The following SYP variants were observed in gnomAD, a reference collection of about 807,000 sequenced individuals.
SYP encodes the protein synaptophysin.
A neutral mutation model predicts 24.3 loss-of-function variants in SYP; 2 were observed. The ratio of observed to expected loss-of-function variants is 0.08; its 90% CI spans 0.03 to 0.26. SYP has a LOEUF of 0.26. Among genes scored for constraint, SYP ranks in the 10% least tolerant of loss-of-function variants. The probability of loss-of-function intolerance (pLI) is 1.00; values close to 1 mark genes in which losing one functional copy is unlikely to be tolerated. For synonymous variants in SYP, 143 were observed against 123.2 expected (o/e 1.16, Z -1.07); for missense variants, 216 against 266.3 (o/e 0.81, Z 1.32).
chrX:49,194,873 T>G (rs2065523350), intron 3 of SYP, among the ~76,000 whole-genome samples: 1 of 110,799 alleles, frequency 9.0e-6, no homozygotes, highest in Admixed American at 9.5e-5. Flanking sequence ...TACGCCCAGC[T>G]AATTTTTGTA....
At position 49,188,344 on chromosome X, in the gene SYP, CA is replaced by C. The variant is rs1165247411; in HGVS notation, c.*942del. The C allele has an allele frequency of 9.0e-6, 1 of 111,293 alleles. No individual in the cohort carries two copies. 9.2% of individuals were successfully genotyped at this position (111,293 alleles called of 1,213,427 possible). A position where few individuals can be genotyped will look rare whatever the true frequency, so the allele number is the denominator to read the frequency against. ...AAGTCCCCTCTCCACTGCCCAAACC[CA>C]GCCATTGTAAAACATTTTCTTCACT... On this transcript the variant is annotated 3_prime_UTR_variant, in exon 7 of 7. Transcript: ENST00000263233.
At chrX:49,198,718 C>A in intron 2 of SYP, 11 of 392,232 alleles carry the variant, frequency 2.8e-5, no homozygotes, top group Non-Finnish European at 4.1e-5. Context: ...TCCCTCACTT[C>A]AAGAGAGGAG....
Position 49,191,698 on chromosome X carries a change from G to A in SYP, c.681C>T (p.Gly227=), listed in dbSNP as rs782351800. ...GCGCGCGCAGGAACGGGGCGGCCCA[G>A]CCTGTCTCCTTAAACACGAACCACA... The part of the protein sequence containing the change: ...GNLWFVFKET[G]WAAPFLRAPP... The change falls in exon 6 of 7, where the codon GGC becomes GGT. Residue 227 remains glycine, a synonymous_variant. Coordinates refer to ENST00000263233, the MANE Select transcript of SYP (RefSeq NM_003179.3). The A allele has an allele frequency of 8.3e-7, 1 of 1,208,459 alleles. No individual in the cohort carries two copies. Among genetic ancestry groups the A allele is most frequent in the Middle Eastern group, 2.3e-4 (1 of 4,293 alleles).
intron 3 of SYP, 162 bp downstream of exon 3, chrX:49,197,553 G>A: frequency 4.0e-6 from 3 of 749,726 alleles, no homozygotes; most frequent in Non-Finnish European, 5.8e-6. Context: ...TAGTCCTAGA[G>A]TCCAGAGCAG....
intron 6 of SYP, chrX:49,191,124 A>G (rs1557102627): frequency 2.8e-6 from 1 of 351,347 alleles, no homozygotes; most frequent in Non-Finnish European, 5.0e-6. Flanking sequence ...GTCCCCCGAT[A>G]TTCCCTCCCT....
intron 2 of SYP, chrX:49,198,721 G>C: frequency 1.4e-5 from 5 of 365,431 alleles, no homozygotes; most frequent in Non-Finnish European, 1.9e-5. Context: ...CTCACTTCAA[G>C]AGAGGAGGTA....
intron 4 of SYP, 43 bp downstream of exon 4, chrX:49,194,123 G>A (rs1318522043): frequency 1.2e-5 from 14 of 1,195,259 alleles, no homozygotes; most frequent in African/African-American, 8.8e-5. Flanking sequence ...CTGGGGTTCC[G>A]TGTCCCCATG....
Position 49,194,376 on chromosome X carries a change from G to A in SYP, c.228-15C>T. ...CTTGGTGCAGCCTGCAAACAGAGGT[G>A]GGCAGGTGTGGCCCAGCCCCTCAGA... On this transcript the variant is annotated splice_polypyrimidine_tract_variant and intron_variant, in intron 3 of 6. Coordinates refer to ENST00000263233, the MANE Select transcript of SYP (RefSeq NM_003179.3). 3 of 1,207,913 alleles carry A rather than the reference G, an allele frequency of 2.5e-6. No homozygotes were observed. Among genetic ancestry groups the A allele is most frequent in the Non-Finnish European group, 3.4e-6 (3 of 893,456 alleles).
At chrX:49,199,890 C>T (rs1557103765) in intron 1 of SYP, among the ~76,000 whole-genome samples, 1 of 111,100 alleles carries the variant, frequency 9.0e-6, no homozygotes, top group Non-Finnish European at 1.9e-5. Flanking sequence ...TTCCTCCCCT[C>T]GCGGTCGCCA....
chrX:49,191,634 C>T lies in SYP; in HGVS notation c.745G>A (p.Ala249Thr), dbSNP rs1326473243. ...APEKQPAPGD[A>T]YGDAGYGQGP... ...TGCCCGTAGCCTGCATCGCCGTAGGCGTCCCCGGGTGCCGGTTGTTTCTCG... is the reference window on the plus strand; with the variant it reads ...TGCCCGTAGCCTGCATCGCCGTAGGTGTCCCCGGGTGCCGGTTGTTTCTCG... The change falls in exon 6 of 7, where the codon GCC (alanine) becomes ACC (threonine). Residue 249 changes from alanine to threonine, a missense_variant. Physicochemically the swap from Ala to Thr is moderately conservative, Grantham distance 58 (BLOSUM62 0). Around this residue, in one of 2 missense-constraint regions of SYP, gnomAD observed 114 missense variants for 107.9 expected, o/e 1.06. Transcript: ENST00000263233. 4.1e-6 allele frequency: 5 copies of T among 1,206,250 alleles called. No homozygotes were observed. The Admixed American group carries it at 6.6e-5, about 16-fold the overall frequency.
intron 2 of SYP, 52 bp downstream of exon 2, chrX:49,198,916 A>G (rs1557103634): frequency 8.4e-7 from 1 of 1,185,705 alleles, no homozygotes; most frequent in African/African-American, 1.8e-5. Flanking sequence ...TCTGGACCCC[A>G]TGACCTCCCT....
chrX:49,199,068 G>A (rs2065539982), intron 1 of SYP, 35 bp from the exon 2 acceptor site: 1 of 1,190,711 alleles, frequency 8.4e-7, no homozygotes, highest in African/African-American at 1.8e-5. Context: ...GGGTGGGGTT[G>A]TTGGAGGTAC....
At position 49,194,155 on chromosome X, in the gene SYP, TG is replaced by T. The variant is rs781906288; in HGVS notation, c.423+10del. ...CATGGTCCCTACATGCAAGTGGCTG[TG>T]GGGACTCACCAGCATGGGCCCTTTG... is the stretch of plus-strand genomic sequence containing the variant. On this transcript the variant is annotated intron_variant, in intron 4 of 6. Transcript: ENST00000263233. 22 of 1,210,936 alleles carry T rather than the reference TG, an allele frequency of 1.8e-5. No homozygotes were observed. Among genetic ancestry groups the T allele is most frequent in the Non-Finnish European group, 2.3e-5 (21 of 894,967 alleles).
rs140804164 is a variant in SYP, at chrX:49,193,395, C to T, written c.492G>A (p.Leu164=). The T allele has an allele frequency of 1.5e-4, 182 of 1,211,447 alleles. No homozygotes were observed. Among genetic ancestry groups the T allele is most frequent in the Non-Finnish European group, 1.9e-4 (172 of 895,475 alleles). ...GGTCTGTGGCCATCTTCACATCTGA[C>T]AGCCCCTTGGCCCATGCCGATGAGC... ...LVSSSAWAKG[L]SDVKMATDPE... Residue 164 remains leucine, a synonymous_variant, in exon 5 of 7, where the codon CTG becomes CTA. Transcript: ENST00000263233.
chrX:49,197,917 G>A (rs2065534349), intron 2 of SYP, 78 bp from the exon 3 acceptor site: 9 of 1,177,972 alleles, frequency 7.6e-6, no homozygotes, highest in Non-Finnish European at 1.0e-5. Flanking sequence ...TGGACAGATC[G>A]GGGGCCCAGC....
intron 3 of SYP, 70 bp downstream of exon 3, chrX:49,197,645 G>T (rs782367088): frequency 5.1e-6 from 6 of 1,166,505 alleles, no homozygotes; most frequent in Non-Finnish European, 6.9e-6. Flanking sequence ...CTTGCGGGGG[G>T]AGGTATTGGC....
At position 49,197,948 on chromosome X, in the gene SYP, C is replaced by T. The variant is rs1471083039; in HGVS notation, c.103-109G>A. On this transcript the variant is annotated intron_variant, in intron 2 of 6. Coordinates refer to ENST00000263233, the MANE Select transcript of SYP (RefSeq NM_003179.3). Reference sequence around the variant, plus strand: ...CCAGCACAGGCAGCAGCAGATGGAGCAGTCCCCACCCCCACCCCCTAATCA... The same window carrying T: ...CCAGCACAGGCAGCAGCAGATGGAGTAGTCCCCACCCCCACCCCCTAATCA... 4.8e-6 allele frequency: 5 copies of T among 1,032,240 alleles called. No individual in the cohort carries two copies. In the African/African-American group the frequency reaches 9.4e-5, roughly 19 times the overall value. The allele number at this position is 1,032,240 out of a possible 1,213,427, so 85.1% of individuals were successfully genotyped here.
At position 49,189,140 on chromosome X, in the gene SYP, T is replaced by TTA. The variant is rs1219262032; in HGVS notation, c.*145_*146dup. 1 of 107,473 alleles carries TTA rather than the reference T, an allele frequency of 9.3e-6. No homozygotes were observed. The highest frequency in any genetic ancestry group is 1.9e-5 in the Non-Finnish European group (1 of 52,074). 8.9% of individuals were successfully genotyped at this position (107,473 alleles called of 1,213,427 possible). ...AGGGCTCAGACAGATAAATAGATATTTATATATAATATATATATATATAAA... is the reference window on the plus strand; with the variant it reads ...AGGGCTCAGACAGATAAATAGATATTTATATATATAATATATATATATATAAA... On this transcript the variant is annotated 3_prime_UTR_variant, in exon 7 of 7. Transcript: ENST00000263233.
intron 6 of SYP, 60 bp downstream of exon 6, chrX:49,191,373 C>T (rs961581378): frequency 1.7e-6 from 2 of 1,154,544 alleles, no homozygotes; most frequent in South Asian, 1.9e-5. Context: ...TATTGGTTCA[C>T]TGACCCGCTC....
Sources: allele counts gnomAD v4.1 joint callset (sites outside exome capture counted in the v4.1 genomes callset), GRCh38; gene constraint gnomAD v4.1.1; regional missense constraint gnomAD v4.1.1; transcripts MANE v1.5; gene names NCBI Gene and HGNC (gene_info 2026-07-23, HGNC 2026-07-21).